Variants in TRDN observed in about 807,000 individuals in gnomAD.
The protein encoded by TRDN is triadin in skeletal muscle.
TRDN carries 161 observed loss-of-function variants against 149.7 expected under a neutral mutation model. The observed-to-expected ratio is 1.08, with a 90% CI of 0.95 to 1.23. TRDN has a LOEUF of 1.23. Among genes scored for constraint, TRDN ranks in the 50% most tolerant of loss-of-function variants. The probability of loss-of-function intolerance (pLI) is 0.00; values close to 1 mark genes in which losing one functional copy is unlikely to be tolerated. For missense variants in TRDN, 896 were observed against 823.5 expected, an observed-to-expected ratio of 1.09 and a Z score of -1.08; for synonymous variants, 294 against 250.5, an observed-to-expected ratio of 1.17 and a Z score of -1.64.
chr6:123,429,991 T>A (rs897850331), intron 12 of TRDN, among the ~76,000 whole-genome samples: 1 of 152,162 alleles, frequency 6.6e-6, no homozygotes, highest in Admixed American at 6.6e-5. Flanking sequence ...AATACAAGGC[T>A]GGGTGCAGTG....
At chr6:123,543,877 C>T (rs927368607) in intron 4 of TRDN, among the ~76,000 whole-genome samples, 3 of 151,930 alleles carry the variant, frequency 2.0e-5, no homozygotes, top group Non-Finnish European at 4.4e-5. Flanking sequence ...TTCATATTTT[C>T]ATTCCACCTC....
At chr6:123,489,514 G>GT (rs1228804375) in intron 9 of TRDN, 1 of 151,890 alleles carries the variant, frequency 6.6e-6, no homozygotes, top group Non-Finnish European at 1.5e-5. Context: ...GGTCTTCCAA[G>GT]AAACAAAAGG....
At chr6:123,254,933 A>G in intron 37 of TRDN, 148 bp downstream of exon 37, 1 of 596,408 alleles carries the variant, frequency 1.7e-6, no homozygotes, top group South Asian at 1.7e-5. Flanking sequence ...TTTCTGCTAG[A>G]TTTTCTACCT....
chr6:123,455,767 AG>A (rs1194811142), intron 10 of TRDN, among the ~76,000 whole-genome samples: 10 of 152,226 alleles, frequency 6.6e-5, no homozygotes, highest in Non-Finnish European at 1.3e-4. Context: ...TTGTAGAAAT[AG>A]TAAAGAAAAC....
intron 21 of TRDN, chr6:123,350,942 G>C: frequency 1.0e-6 from 1 of 984,914 alleles, no homozygotes; most frequent in Non-Finnish European, 1.2e-6. Flanking sequence ...TCCACTAGAG[G>C]AGACATTATA....
At chr6:123,597,769 A>T (rs773418535) in intron 1 of TRDN, among the ~76,000 whole-genome samples, 6 of 152,140 alleles carry the variant, frequency 3.9e-5, no homozygotes, top group Non-Finnish European at 8.8e-5. Flanking sequence ...TTTTTAAATT[A>T]AAGTGTGTAT....
intron 24 of TRDN, among the ~76,000 whole-genome samples, chr6:123,307,820 G>T (rs568593679): frequency 2.0e-5 from 3 of 151,350 alleles, no homozygotes; most frequent in Non-Finnish European, 2.9e-5. Flanking sequence ...AGTTGTTCTC[G>T]GTTCTTTTCT....
intron 33 of TRDN, among the ~76,000 whole-genome samples, chr6:123,263,250 T>A (rs1365175230): frequency 6.6e-6 from 1 of 152,052 alleles, no homozygotes; most frequent in Non-Finnish European, 1.5e-5. Context: ...TCAAAGCAGC[T>A]ACAACGTTCC....
intron 38 of TRDN, among the ~76,000 whole-genome samples, chr6:123,251,971 T>C (rs1485580956): frequency 6.6e-6 from 1 of 152,012 alleles, no homozygotes; most frequent in Non-Finnish European, 1.5e-5. Flanking sequence ...TACAATTAAA[T>C]TACAATTTAG....
At chr6:123,246,006 G>A (rs1352071123) in intron 38 of TRDN, among the ~76,000 whole-genome samples, 3 of 152,118 alleles carry the variant, frequency 2.0e-5, no homozygotes, top group Non-Finnish European at 4.4e-5. Flanking sequence ...ATAAAGAAAT[G>A]AAGGCAGAAA....
intron 5 of TRDN, among the ~76,000 whole-genome samples, chr6:123,523,672 G>A (rs144337744): frequency 3.9e-4 from 59 of 152,198 alleles, no homozygotes; most frequent in African/African-American, 1.3e-3. Flanking sequence ...ATTATAGTAC[G>A]GAGGAGCTAA....
intron 12 of TRDN, among the ~76,000 whole-genome samples, chr6:123,431,845 A>G (rs1203572080): frequency 6.6e-6 from 1 of 152,222 alleles, no homozygotes; most frequent in Non-Finnish European, 1.5e-5. Flanking sequence ...AGTAAAATAC[A>G]TAATATTCTA....
chr6:123,304,354 G>C (rs569288115), intron 24 of TRDN, among the ~76,000 whole-genome samples: 4 of 150,788 alleles, frequency 2.7e-5, no homozygotes, highest in East Asian at 3.9e-4. Context: ...CTTGGTTCAA[G>C]GGATTCCCCT....
chr6:123,490,154 A>G (rs1434945050), intron 9 of TRDN, among the ~76,000 whole-genome samples: 1 of 152,222 alleles, frequency 6.6e-6, no homozygotes, highest in Non-Finnish European at 1.5e-5. Flanking sequence ...AAACTATAGA[A>G]TCAATGAGTG....
At chr6:123,528,934 G>C in intron 5 of TRDN, 1 of 1,153,856 alleles carries the variant, frequency 8.7e-7, no homozygotes, top group Non-Finnish European at 1.1e-6. Flanking sequence ...ATATATTCAG[G>C]TTGATAATCT....
At chr6:123,371,571 C>T (rs1344061497) in intron 19 of TRDN, among the ~76,000 whole-genome samples, 5 of 152,110 alleles carry the variant, frequency 3.3e-5, no homozygotes, top group African/African-American at 4.8e-5. Context: ...AAATTTATTT[C>T]TGGTTTCCCA....
chr6:123,531,785 A>G (rs1264743099), intron 4 of TRDN, among the ~76,000 whole-genome samples: 1 of 152,026 alleles, frequency 6.6e-6, no homozygotes, highest in Non-Finnish European at 1.5e-5. Flanking sequence ...TTTCTTCTCT[A>G]GTCTCCAAAT....
intron 38 of TRDN, among the ~76,000 whole-genome samples, chr6:123,230,913 A>C (rs1277075486): frequency 6.6e-6 from 1 of 152,040 alleles, no homozygotes; most frequent in Non-Finnish European, 1.5e-5. Flanking sequence ...TTTCTGTGCC[A>C]GGTATGCTAC....
intron 24 of TRDN, among the ~76,000 whole-genome samples, chr6:123,279,814 A>G (rs1392400423): frequency 1.3e-5 from 2 of 152,116 alleles, no homozygotes; most frequent in Non-Finnish European, 2.9e-5. Context: ...CATAATATGT[A>G]TGCTCTACTG....
Sources: gnomAD v4.1 joint callset for allele counts (sites outside exome capture counted in the v4.1 genomes callset) on GRCh38, gnomAD v4.1.1 for gene constraint, MANE v1.5 for transcripts, NCBI Gene and HGNC (gene_info 2026-07-23, HGNC 2026-07-21) for gene names.